Variants in CNTNAP5 observed in about 807,000 individuals in gnomAD.
The protein encoded by CNTNAP5 is contactin associated protein family member 5, also known as contactin-associated protein-like 5.
A neutral mutation model predicts 150.2 loss-of-function variants in CNTNAP5; 72 were observed. The ratio of observed to expected loss-of-function variants is 0.48; its 90% confidence interval spans 0.40 to 0.58. The LOEUF (loss-of-function observed/expected upper bound fraction) is 0.58. Among genes scored for constraint, CNTNAP5 ranks in the 20% least tolerant of loss-of-function variants. The probability of loss-of-function intolerance (pLI) is 0.00; values close to 1 mark genes in which losing one functional copy is unlikely to be tolerated. For missense variants in CNTNAP5, 1,636 were observed against 1,626.2 expected (o/e 1.01, Z -0.10); for synonymous variants, 672 against 619.8 (o/e 1.08, Z -1.25).
rs145388111 is a variant in CNTNAP5 at position 124,561,551 on chromosome 2, G to T, written c.1650-1666G>T. Among the ~76,000 whole-genome samples the T allele has an allele frequency of 1.3e-3, 196 of 152,048 alleles. 1 individual carries two copies. The highest frequency in any genetic ancestry group is 4.5e-3 in the African/African-American group (185 of 41,498). On this transcript the variant is annotated intron_variant, in intron 10 of 23. Coordinates refer to ENST00000682447, the MANE Select transcript of CNTNAP5 (RefSeq NM_001367498.1). ...ACTTTTTTGTTTGTTTGTTTGTTTG[G>T]TTGTTTTGTGTGAATACATCCCGTA...
chr2:124,740,902 A>C (rs1181026942), intron 13 of CNTNAP5, among the ~76,000 whole-genome samples: 1 of 151,872 alleles, frequency 6.6e-6, no homozygotes, highest in East Asian at 2.0e-4. Context: ...GGAAACATGC[A>C]TGCCTCTTGA....
intron 1 of CNTNAP5, among the ~76,000 whole-genome samples, chr2:124,083,207 G>T (rs376251136): frequency 2.0e-5 from 3 of 152,222 alleles, no homozygotes; most frequent in South Asian, 2.1e-4. Flanking sequence ...AATTGACTGG[G>T]TGTGGTGATG....
At chr2:124,314,639 T>A (rs957232963) in intron 3 of CNTNAP5, among the ~76,000 whole-genome samples, 17 of 152,316 alleles carry the variant, frequency 1.1e-4, no homozygotes, top group African/African-American at 4.1e-4. Context: ...ATATAATGCA[T>A]GCTTATTTTA....
chr2:124,540,553 A>T (rs1695354566), intron 10 of CNTNAP5, among the ~76,000 whole-genome samples: 2 of 152,182 alleles, frequency 1.3e-5, no homozygotes, highest in African/African-American at 2.4e-5. Context: ...TACCAGGCAC[A>T]TTTCTTTGCC....
In CNTNAP5 at chr2:124,366,601, G is replaced by A. The variant is rs1054013819; in HGVS notation, c.382-50842G>A. ...GGATCTGAAGGGAACTTTCTTTAAA[G>A]AGAAGCAGTAGCGTGACTTTTGCCC... On this transcript the variant is annotated intron_variant, in intron 3 of 23. Transcript: ENST00000682447. Among the ~76,000 whole-genome samples the A allele has an allele frequency of 2.6e-5, 4 of 152,242 alleles. No homozygotes were observed. In the East Asian group the frequency reaches 7.7e-4, roughly 29 times the overall value.
At chr2:124,283,775 T>G (rs1688076813) in intron 3 of CNTNAP5, among the ~76,000 whole-genome samples, 2 of 152,216 alleles carry the variant, frequency 1.3e-5, no homozygotes, top group Non-Finnish European at 2.9e-5. Context: ...AGTTTATATC[T>G]GGTGCGGGCT....
chr2:124,789,390 G>T (rs1435637150), intron 17 of CNTNAP5, among the ~76,000 whole-genome samples: 2 of 152,116 alleles, frequency 1.3e-5, no homozygotes, highest in Non-Finnish European at 2.9e-5. Flanking sequence ...AGAAGGACAT[G>T]TATTTTTTTC....
chr2:124,777,437 C>CGATCTCAG (rs1002456125), intron 17 of CNTNAP5, among the ~76,000 whole-genome samples: 4 of 152,042 alleles, frequency 2.6e-5, no homozygotes, highest in African/African-American at 9.7e-5. Flanking sequence ...TGCAGTGGTA[C>CGATCTCAG]GATCTCAGGA....
intron 1 of CNTNAP5, among the ~76,000 whole-genome samples, chr2:124,202,500 G>A (rs1417081591): frequency 2.0e-5 from 3 of 152,182 alleles, no homozygotes; most frequent in Admixed American, 2.0e-4. Context: ...TTAGGTTGGA[G>A]AGCAGGACGG....
At chr2:124,655,999 A>AAGG (rs1553427838) in intron 13 of CNTNAP5, among the ~76,000 whole-genome samples, 4,253 of 88,812 alleles carry the variant, frequency 0.048, 114 homozygotes, top group Middle Eastern at 0.07. Flanking sequence ...AAGAAAGAAA[A>AAGG]AAGGAAGGAA....
intron 3 of CNTNAP5, among the ~76,000 whole-genome samples, chr2:124,387,097 A>T (rs1256364489): frequency 6.6e-6 from 1 of 152,196 alleles, no homozygotes; most frequent in African/African-American, 2.4e-5. Flanking sequence ...TATGGGAAAT[A>T]AATGTGTATT....
chr2:124,651,111 T>C (rs1057170101), intron 13 of CNTNAP5, among the ~76,000 whole-genome samples: 4 of 152,214 alleles, frequency 2.6e-5, no homozygotes, highest in Admixed American at 6.5e-5. Context: ...ACTTTGGTAA[T>C]GTGATAAGTG....
intron 12 of CNTNAP5, among the ~76,000 whole-genome samples, chr2:124,625,865 A>G (rs1470840839): frequency 6.6e-6 from 1 of 152,212 alleles, no homozygotes; most frequent in East Asian, 1.9e-4. Context: ...CAGCAATTTT[A>G]GCTAGGCCAT....
chr2:124,543,007 G>A (rs1226807401), intron 10 of CNTNAP5, among the ~76,000 whole-genome samples: 2 of 152,090 alleles, frequency 1.3e-5, no homozygotes, highest in East Asian at 1.9e-4. Context: ...CCGAGATTTA[G>A]GAGTTAAAGC....
chr2:124,310,794 C>T (rs1229685790), intron 3 of CNTNAP5, among the ~76,000 whole-genome samples: 1 of 152,086 alleles, frequency 6.6e-6, no homozygotes, highest in Non-Finnish European at 1.5e-5. Flanking sequence ...GAAGAAGCTT[C>T]CTTACCTCAT....
intron 1 of CNTNAP5, among the ~76,000 whole-genome samples, chr2:124,042,849 G>A (rs1414224907): frequency 4.6e-5 from 7 of 151,310 alleles, no homozygotes; most frequent in African/African-American, 1.7e-4. Flanking sequence ...TTGAAAAATG[G>A]GATAAAAACT....
At chr2:124,807,823 T>C (rs1189784859) in intron 19 of CNTNAP5, among the ~76,000 whole-genome samples, 1 of 152,076 alleles carries the variant, frequency 6.6e-6, no homozygotes, top group East Asian at 1.9e-4. Flanking sequence ...CACGTCTTGC[T>C]TGTAGATCTT....
chr2:124,213,419 C>T lies in CNTNAP5; in HGVS notation c.83-8286C>T, dbSNP rs139111954. On this transcript the variant is annotated intron_variant, in intron 1 of 23. Coordinates refer to ENST00000682447, the MANE Select transcript of CNTNAP5 (RefSeq NM_001367498.1). ...AATAAGTGGAAAACTGAGAGATCATCCCAAGAGAAAACAACAATTCAACAG... is the reference window on the plus strand; with the variant it reads ...AATAAGTGGAAAACTGAGAGATCATTCCAAGAGAAAACAACAATTCAACAG... Among the ~76,000 whole-genome samples the T allele has an allele frequency of 5.4e-3, 821 of 152,214 alleles. 5 individuals carry two copies. The highest frequency in any genetic ancestry group is 0.019 in the African/African-American group (787 of 41,532).
At chr2:124,674,108 T>C (rs1421250380) in intron 13 of CNTNAP5, among the ~76,000 whole-genome samples, 2 of 152,172 alleles carry the variant, frequency 1.3e-5, no homozygotes, top group Non-Finnish European at 2.9e-5. Context: ...GTCTTCTCTC[T>C]TTTTTCTTGC....
Sources: allele counts gnomAD v4.1 joint callset (sites outside exome capture counted in the v4.1 genomes callset), GRCh38; gene constraint gnomAD v4.1.1; transcripts MANE v1.5; gene names NCBI Gene and HGNC (gene_info 2026-07-23, HGNC 2026-07-21).